HERC4: variants seen among roughly 807,000 people sequenced by gnomAD.
The protein encoded by HERC4 is HECT and RLD domain containing E3 ubiquitin protein ligase 4, also known as probable E3 ubiquitin-protein ligase HERC4.
HERC4 carries 28 observed loss-of-function variants against 124.3 expected under a neutral mutation model. That is an observed-to-expected ratio of 0.23 (90% CI 0.17 to 0.31). The LOEUF is 0.31. Ranked by LOEUF, HERC4 falls within the 10% of genes least tolerant of loss-of-function variation. The pLI is 1.00. For missense variants in HERC4, 713 were observed against 1,229.3 expected, an observed-to-expected ratio of 0.58 and a Z score of 6.28; for synonymous variants, 407 against 421.5, an observed-to-expected ratio of 0.97 and a Z score of 0.42.
intron 3 of HERC4, among the ~76,000 whole-genome samples, chr10:68,048,487 G>C (rs1426836720): frequency 1.3e-5 from 2 of 152,308 alleles, no homozygotes; most frequent in East Asian, 3.9e-4. Context: ...AATAATTAGT[G>C]GTTGCCAGGG....
rs2032311893 is a variant in HERC4, at chr10:67,935,839, G to C, written c.2654+314C>G. Among the ~76,000 whole-genome samples the C allele has an allele frequency of 2.0e-5, 3 of 152,160 alleles. No individual in the cohort carries two copies. The South Asian group carries it at 6.2e-4, about 32-fold the overall frequency. ...TTTTATTCTCAGCACCCAAACTTTT[G>C]TTTTGTGAAGTGATCCAGCTGGCTT... On this transcript the variant is annotated intron_variant, in intron 22 of 24. Coordinates refer to ENST00000373700, the MANE Select transcript of HERC4 (RefSeq NM_015601.4).
intron 19 of HERC4, among the ~76,000 whole-genome samples, chr10:67,953,551 C>T (rs1409309039): frequency 1.3e-5 from 2 of 152,082 alleles, no homozygotes; most frequent in African/African-American, 4.8e-5. Context: ...CTTAAGAGCT[C>T]TCCTTGAACA....
At chr10:68,000,117 C>G (rs1302054028) in intron 9 of HERC4, among the ~76,000 whole-genome samples, 2 of 152,108 alleles carry the variant, frequency 1.3e-5, no homozygotes, top group African/African-American at 4.8e-5. Context: ...CTCAACCTCT[C>G]AAAGTGCTGG....
At chr10:67,975,917 A>G (rs1429877533) in intron 15 of HERC4, among the ~76,000 whole-genome samples, 1 of 152,202 alleles carries the variant, frequency 6.6e-6, no homozygotes, top group Non-Finnish European at 1.5e-5. Flanking sequence ...GCTTTCAAAC[A>G]AAACAAAGAC....
Position 67,922,861 on chromosome 10 carries a change from TTCA to T in HERC4, c.*67_*69del. On this transcript the variant is annotated 3_prime_UTR_variant, in exon 25 of 25. Transcript: ENST00000373700. Reference sequence around the variant, plus strand: ...ATAGTACCTCTGTCACCTTGCTGAATTCATCACCACAAGAAAAACACAAATAGT... The same window carrying T: ...ATAGTACCTCTGTCACCTTGCTGAATTCACCACAAGAAAAACACAAATAGT... The T allele has an allele frequency of 1.1e-5, 12 of 1,075,626 alleles. No homozygotes were observed. Among genetic ancestry groups the T allele is most frequent in the African/African-American group, 9.5e-5 (6 of 63,338 alleles). 66.6% of individuals were successfully genotyped at this position (1,075,626 alleles called of 1,614,324 possible). A position where few individuals can be genotyped will look rare whatever the true frequency, so the allele number is the denominator to read the frequency against.
chr10:67,973,626 G>A (rs759711409), intron 15 of HERC4, among the ~76,000 whole-genome samples: 1 of 152,154 alleles, frequency 6.6e-6, no homozygotes, highest in Non-Finnish European at 1.5e-5. Flanking sequence ...CTGGCAATAG[G>A]ATTAGGATAT....
At chr10:68,050,984 C>G (rs2040265984) in intron 3 of HERC4, among the ~76,000 whole-genome samples, 1 of 151,862 alleles carries the variant, frequency 6.6e-6, no homozygotes, top group African/African-American at 2.4e-5. Flanking sequence ...TTACTATGTT[C>G]CAGGTACTAT....
rs184586077 is a variant in HERC4 at position 67,928,286 on chromosome 10, T to C, written c.2839-3099A>G. ...ATTTTCATTTTAAGGTGATTAGAGG[T>C]GGAGTCCATTTCCACTGGGGGACCC... On this transcript the variant is annotated intron_variant, in intron 23 of 24. Transcript: ENST00000373700. 2.0e-3 allele frequency among the ~76,000 whole-genome samples: 311 copies of C among 152,188 alleles called. 1 individual carries two copies. Among genetic ancestry groups the C allele is most frequent in the Non-Finnish European group, 2.8e-3 (190 of 68,010 alleles).
At chr10:67,954,545 A>G (rs2034015686) in intron 19 of HERC4, 50 bp downstream of exon 19, 1 of 1,486,070 alleles carries the variant, frequency 6.7e-7, no homozygotes, top group East Asian at 2.3e-5. Flanking sequence ...ATACAGGTAT[A>G]AATACATGGG....
At chr10:67,996,190 T>C in intron 9 of HERC4, 1 of 433,448 alleles carries the variant, frequency 2.3e-6, no homozygotes, top group South Asian at 1.6e-5. Context: ...GCCTGTAGTC[T>C]GAGCCCAAGA....
chr10:68,062,088 T>A (rs756683544), intron 3 of HERC4, among the ~76,000 whole-genome samples: 5 of 152,040 alleles, frequency 3.3e-5, no homozygotes, highest in Non-Finnish European at 7.4e-5. Context: ...AAGTCTACAG[T>A]TGGAATGTCA....
chr10:67,957,557 T>C lies in HERC4; in HGVS notation c.1927-581A>G, dbSNP rs576300648. ...TAGACATTAGACACTTTATAGACAA[T>C]TACTTATCCTGGCAGGTAATATATT... is the stretch of plus-strand genomic sequence containing the variant. On this transcript the variant is annotated intron_variant, in intron 16 of 24. Transcript: ENST00000373700. Among the ~76,000 whole-genome samples the C allele has an allele frequency of 1.8e-4, 27 of 152,324 alleles. No individual in the cohort carries two copies. The East Asian group carries it at 4.8e-3, about 27-fold the overall frequency.
chr10:67,988,987 G>T, intron 14 of HERC4, 152 bp from the exon 15 acceptor site: 1 of 611,470 alleles, frequency 1.6e-6, no homozygotes, highest in Non-Finnish European at 2.8e-6. Context: ...TGTAACATTT[G>T]TAAGGTTTAT....
intron 8 of HERC4, among the ~76,000 whole-genome samples, chr10:68,015,771 C>T (rs1324752514): frequency 6.6e-6 from 1 of 152,124 alleles, no homozygotes; most frequent in African/African-American, 2.4e-5. Context: ...TTAACCCTGG[C>T]TGCATATTTG....
chr10:67,988,858 C>A, intron 14 of HERC4, 23 bp from the exon 15 acceptor site: 1 of 1,547,460 alleles, frequency 6.5e-7, no homozygotes, highest in Admixed American at 2.1e-5. Flanking sequence ...AGTGAACATG[C>A]AAATAAAATG....
chr10:67,936,304 C>G, intron 21 of HERC4, 69 bp from the exon 22 acceptor site: 1 of 830,756 alleles, frequency 1.2e-6, no homozygotes, highest in Non-Finnish European at 1.9e-6. Context: ...TTATTATATT[C>G]TACCTTTCTC....
At chr10:68,059,578 T>TAAC (rs1215515419) in intron 3 of HERC4, among the ~76,000 whole-genome samples, 1 of 110,460 alleles carries the variant, frequency 9.1e-6, no homozygotes, top group Non-Finnish European at 1.7e-5. Context: ...TTATATATCA[T>TAAC]ATTATATATC....
At chr10:68,006,812 A>C (rs976555506) in intron 9 of HERC4, among the ~76,000 whole-genome samples, 2 of 152,110 alleles carry the variant, frequency 1.3e-5, no homozygotes, top group Non-Finnish European at 2.9e-5. Flanking sequence ...ATTCTCTCCT[A>C]ATCTGTAAGG....
chr10:67,932,575 T>A, intron 23 of HERC4, 22 bp downstream of exon 23: 1 of 1,581,986 alleles, frequency 6.3e-7, no homozygotes, highest in Admixed American at 1.9e-5. Context: ...TTTAACAATA[T>A]CAGAGATTAG....
Sources: allele counts gnomAD v4.1 joint callset (sites outside exome capture counted in the v4.1 genomes callset), GRCh38; gene constraint gnomAD v4.1.1; transcripts MANE v1.5; gene names NCBI Gene and HGNC (gene_info 2026-07-23, HGNC 2026-07-21).